BTBD9: variants seen among roughly 807,000 people sequenced by gnomAD.
BTBD9 encodes the protein BTB/POZ domain-containing protein 9.
Under a neutral mutation model 64.3 loss-of-function variants are expected in BTBD9, and 49 were observed. The observed-to-expected ratio is 0.76, with a 90% confidence interval of 0.61 to 0.97. The LOEUF (loss-of-function observed/expected upper bound fraction) is 0.97, where lower values mean the gene tolerates loss of function less well. Among genes scored for constraint, BTBD9 ranks in the 50% least tolerant of loss-of-function variants. The probability of loss-of-function intolerance (pLI) is 0.00; values close to 1 mark genes in which losing one functional copy is unlikely to be tolerated. For missense variants in BTBD9, 598 were observed against 762.1 expected, an observed-to-expected ratio of 0.78 and a Z score of 2.53; for synonymous variants, 260 against 274.7, an observed-to-expected ratio of 0.95 and a Z score of 0.53.
At chr6:38,420,948 CTT>C (rs763752417) in intron 6 of BTBD9, among the ~76,000 whole-genome samples, 12 of 152,028 alleles carry the variant, frequency 7.9e-5, no homozygotes, top group Non-Finnish European at 1.2e-4. Context: ...CATTTTATAA[CTT>C]ATATGCATTT....
At chr6:38,417,674 G>A (rs1232718225) in intron 6 of BTBD9, among the ~76,000 whole-genome samples, 2 of 152,032 alleles carry the variant, frequency 1.3e-5, no homozygotes, top group African/African-American at 4.8e-5. Context: ...CTTGGGGGCT[G>A]AGGTGGGAGG....
In BTBD9 at chr6:38,173,880, C is replaced by G. The variant is rs182290252; in HGVS notation, c.*1105G>C. 1 of 152,446 alleles carries G rather than the reference C, an allele frequency of 6.6e-6. No individual in the cohort carries two copies. The highest frequency in any genetic ancestry group is 6.5e-5 in the Admixed American group (1 of 15,312). The allele number at this position is 152,446 out of a possible 1,614,324, so 9.4% of individuals were successfully genotyped here. ...CACTAAGTAGGAGACGGAGCCACAT[C>G]AAGCCACCATCGTCAAATGAGGTCC... On this transcript the variant is annotated 3_prime_UTR_variant, in exon 11 of 11. Coordinates refer to ENST00000481247, the MANE Select transcript of BTBD9 (RefSeq NM_001099272.2).
intron 6 of BTBD9, among the ~76,000 whole-genome samples, chr6:38,512,157 G>A (rs1425380058): frequency 6.6e-6 from 1 of 152,056 alleles, no homozygotes; most frequent in Non-Finnish European, 1.5e-5. Context: ...ATTTTTAGTA[G>A]AGATGGGGTT....
intron 8 of BTBD9, among the ~76,000 whole-genome samples, chr6:38,258,283 G>A (rs771906566): frequency 1.4e-4 from 22 of 152,082 alleles, no homozygotes; most frequent in Non-Finnish European, 2.5e-4. Context: ...ACTGCGGCCG[G>A]CCTAAAAAAT....
At chr6:38,190,551 CA>C (rs1478556271) in intron 10 of BTBD9, among the ~76,000 whole-genome samples, 3 of 146,444 alleles carry the variant, frequency 2.0e-5, no homozygotes, top group Admixed American at 6.8e-5. Flanking sequence ...ATAACTGATT[CA>C]AAAAGACAAC....
intron 7 of BTBD9, among the ~76,000 whole-genome samples, chr6:38,295,254 T>G (rs1171062474): frequency 1.3e-5 from 2 of 152,136 alleles, no homozygotes; most frequent in African/African-American, 4.8e-5. Context: ...AGCCTTGGAC[T>G]CCCAGGCTCA....
intron 8 of BTBD9, among the ~76,000 whole-genome samples, chr6:38,266,665 AG>A (rs1249379877): frequency 4.2e-5 from 5 of 118,378 alleles, no homozygotes; most frequent in Non-Finnish European, 8.8e-5. Flanking sequence ...AAAGAAAGAA[AG>A]AAAGAAAGAA....
intron 6 of BTBD9, among the ~76,000 whole-genome samples, chr6:38,499,028 C>T (rs1028956267): frequency 1.3e-5 from 2 of 152,070 alleles, no homozygotes; most frequent in African/African-American, 4.8e-5. Flanking sequence ...TCAGCAACTG[C>T]GAGAGGTTCA....
chr6:38,226,691 A>G (rs1763402914), intron 9 of BTBD9, among the ~76,000 whole-genome samples: 1 of 152,270 alleles, frequency 6.6e-6, no homozygotes, highest in African/African-American at 2.4e-5. Flanking sequence ...AGATTTGGGC[A>G]TAAGAACACT....
intron 6 of BTBD9, among the ~76,000 whole-genome samples, chr6:38,571,505 G>A (rs954715430): frequency 2.0e-5 from 3 of 152,054 alleles, no homozygotes; most frequent in African/African-American, 7.2e-5. Context: ...GAATGAGGGG[G>A]GCCTAGAATG....
chr6:38,488,894 CTT>C (rs66933448), intron 6 of BTBD9, among the ~76,000 whole-genome samples: 185 of 132,768 alleles, frequency 1.4e-3, no homozygotes, highest in Non-Finnish European at 1.4e-3. Flanking sequence ...TTCCTTGCAA[CTT>C]TTTTTTTTTT....
chr6:38,614,788 A>T (rs1348631520), intron 1 of BTBD9, among the ~76,000 whole-genome samples: 1 of 152,158 alleles, frequency 6.6e-6, no homozygotes, highest in African/African-American at 2.4e-5. Context: ...TCTCACTCGG[A>T]CCCTCACATA....
chr6:38,505,964 C>CAACAAAAAA (rs1175511241), intron 6 of BTBD9, among the ~76,000 whole-genome samples: 1 of 82,654 alleles, frequency 1.2e-5, no homozygotes, highest in East Asian at 3.1e-4. Context: ...TCCGTCTCAA[C>CAACAAAAAA]AAAAAAAAAA....
At chr6:38,248,440 G>A (rs1473831761) in intron 9 of BTBD9, among the ~76,000 whole-genome samples, 1 of 152,344 alleles carries the variant, frequency 6.6e-6, no homozygotes, top group South Asian at 2.1e-4. Context: ...GATAGATGAT[G>A]GCTGAAGTCA....
At chr6:38,592,339 G>A (rs1475183454) in intron 4 of BTBD9, among the ~76,000 whole-genome samples, 1 of 152,132 alleles carries the variant, frequency 6.6e-6, no homozygotes, top group Non-Finnish European at 1.5e-5. Context: ...GGGAGGAGTT[G>A]AGAAATCTGT....
intron 6 of BTBD9, among the ~76,000 whole-genome samples, chr6:38,466,522 ACCT>A (rs1338383474): frequency 4.6e-5 from 7 of 151,748 alleles, no homozygotes; most frequent in Admixed American, 4.6e-4. Flanking sequence ...CAAACTCCTG[ACCT>A]CAGGTGATCT....
chr6:38,312,128 T>C (rs1762863336), intron 7 of BTBD9, among the ~76,000 whole-genome samples: 1 of 152,132 alleles, frequency 6.6e-6, no homozygotes, highest in Admixed American at 6.5e-5. Context: ...CCCAAAGTGC[T>C]GGGATTACAG....
At chr6:38,363,933 G>A (rs1765082155) in intron 6 of BTBD9, among the ~76,000 whole-genome samples, 2 of 152,074 alleles carry the variant, frequency 1.3e-5, no homozygotes, top group South Asian at 4.2e-4. Flanking sequence ...TAAACCTTGT[G>A]GGCTCCACTT....
At chr6:38,633,201 C>G (rs1249040465) in intron 1 of BTBD9, among the ~76,000 whole-genome samples, 2 of 152,100 alleles carry the variant, frequency 1.3e-5, no homozygotes, top group Non-Finnish European at 2.9e-5. Context: ...ATTTCTACAT[C>G]AAGATATTAA....
Sources: allele counts gnomAD v4.1 joint callset (sites outside exome capture counted in the v4.1 genomes callset), GRCh38; gene constraint gnomAD v4.1.1; transcripts MANE v1.5; gene names NCBI Gene and HGNC (gene_info 2026-07-23, HGNC 2026-07-21).